The following LRRC4C variants were observed in gnomAD, a reference collection of about 807,000 sequenced individuals.
LRRC4C encodes the protein leucine rich repeat containing 4C.
A neutral mutation model predicts 33.6 loss-of-function variants in LRRC4C; 5 were observed. The ratio of observed to expected loss-of-function variants is 0.15; its 90% CI spans 0.08 to 0.31. The LOEUF (loss-of-function observed/expected upper bound fraction) is 0.31. LRRC4C is among the 10% of genes least tolerant of loss of function. LRRC4C has a pLI of 1.00. For missense variants in LRRC4C, 560 were observed against 796.7 expected, an observed-to-expected ratio of 0.70 and a Z score of 3.58; for synonymous variants, 329 against 302.0, an observed-to-expected ratio of 1.09 and a Z score of -0.93.
chr11:40,353,219 CT>C (rs1312655550), intron 3 of LRRC4C, among the ~76,000 whole-genome samples: 1 of 151,850 alleles, frequency 6.6e-6, no homozygotes, highest in Non-Finnish European at 1.5e-5. Context: ...TTAGATTTGC[CT>C]TTTTAGATTA....
At chr11:40,664,065 A>G (rs190617688) in intron 2 of LRRC4C, among the ~76,000 whole-genome samples, 1 of 152,300 alleles carries the variant, frequency 6.6e-6, no homozygotes, top group Non-Finnish European at 1.5e-5. Context: ...AATTACATAT[A>G]TAGAGCACTT....
intron 1 of LRRC4C, among the ~76,000 whole-genome samples, chr11:41,327,668 C>T (rs1951163422): frequency 6.6e-6 from 1 of 152,154 alleles, no homozygotes; most frequent in Admixed American, 6.5e-5. Context: ...TTGGAGCTCT[C>T]ATGATCCCCA....
At chr11:40,779,891 CT>C (rs1950148187) in intron 2 of LRRC4C, among the ~76,000 whole-genome samples, 1 of 152,038 alleles carries the variant, frequency 6.6e-6, no homozygotes. Flanking sequence ...AGTGATAATC[CT>C]TTAGAATAAG....
intron 5 of LRRC4C, among the ~76,000 whole-genome samples, chr11:40,170,719 T>G (rs775096729): frequency 6.6e-6 from 1 of 152,212 alleles, no homozygotes; most frequent in Non-Finnish European, 1.5e-5. Flanking sequence ...CATTCTAACT[T>G]CATCAGGTGA....
At chr11:40,816,013 G>A (rs1951691240) in intron 2 of LRRC4C, among the ~76,000 whole-genome samples, 1 of 152,122 alleles carries the variant, frequency 6.6e-6, no homozygotes, top group African/African-American at 2.4e-5. Context: ...AGAGCTAAGA[G>A]GACTTCCCCC....
chr11:40,629,584 G>A (rs898516767), intron 3 of LRRC4C, among the ~76,000 whole-genome samples: 1 of 152,244 alleles, frequency 6.6e-6, no homozygotes, highest in Admixed American at 6.5e-5. Flanking sequence ...GACAAGAATG[G>A]ATTCACTCTA....
chr11:41,213,904 C>T (rs1370480725), intron 1 of LRRC4C, among the ~76,000 whole-genome samples: 4 of 152,200 alleles, frequency 2.6e-5, no homozygotes, highest in African/African-American at 9.6e-5. Context: ...ATAGAACTCA[C>T]ATTTTGACCT....
chr11:40,566,811 T>C (rs555347493), intron 3 of LRRC4C, among the ~76,000 whole-genome samples: 1 of 152,264 alleles, frequency 6.6e-6, no homozygotes, highest in East Asian at 1.9e-4. Flanking sequence ...ATGCATGGGA[T>C]ACCACCTGAA....
At chr11:41,040,227 T>A (rs1857350102) in intron 1 of LRRC4C, among the ~76,000 whole-genome samples, 1 of 151,818 alleles carries the variant, frequency 6.6e-6, no homozygotes, top group African/African-American at 2.4e-5. Flanking sequence ...CAGAGAGGTA[T>A]TAGGAGATCT....
chr11:40,276,722 T>TGC (rs1943132611), intron 4 of LRRC4C, among the ~76,000 whole-genome samples: 1 of 127,692 alleles, frequency 7.8e-6, no homozygotes, highest in South Asian at 2.5e-4. Flanking sequence ...TGTGTGTGTG[T>TGC]ATGTCTGTGT....
intron 4 of LRRC4C, chr11:40,292,683 G>A (rs934994015): frequency 1.3e-5 from 2 of 150,846 alleles, no homozygotes; most frequent in Non-Finnish European, 2.9e-5. Flanking sequence ...GCTGCTTTAA[G>A]ATTATTTATT....
intron 4 of LRRC4C, among the ~76,000 whole-genome samples, chr11:40,290,270 C>T (rs755356571): frequency 9.9e-5 from 15 of 152,102 alleles, no homozygotes; most frequent in Admixed American, 2.6e-4. Context: ...ACTGTGGTAA[C>T]GTAAAACAAA....
chr11:41,255,732 TAA>T (rs5791429), intron 1 of LRRC4C, among the ~76,000 whole-genome samples: 1 of 151,118 alleles, frequency 6.6e-6, no homozygotes, highest in African/African-American at 2.4e-5. Flanking sequence ...GCATATTATG[TAA>T]AAAAAAATTA....
chr11:41,191,297 G>T (rs775691243), intron 1 of LRRC4C, among the ~76,000 whole-genome samples: 2 of 152,180 alleles, frequency 1.3e-5, no homozygotes, highest in African/African-American at 4.8e-5. Flanking sequence ...TCAGGAGCCT[G>T]CTGTGGACTC....
At chr11:41,379,599 T>C (rs1281473755) in intron 1 of LRRC4C, among the ~76,000 whole-genome samples, 2 of 152,076 alleles carry the variant, frequency 1.3e-5, no homozygotes, top group Non-Finnish European at 2.9e-5. Flanking sequence ...TCAAAAGTCC[T>C]TCCCTAGCCT....
At chr11:41,059,306 G>A (rs1245023262) in intron 1 of LRRC4C, among the ~76,000 whole-genome samples, 5 of 140,786 alleles carry the variant, frequency 3.6e-5, no homozygotes, top group Admixed American at 1.5e-4. Flanking sequence ...ACTTAGATAC[G>A]TTCCTTATCT....
chr11:41,239,151 T>TA (rs71466925), intron 1 of LRRC4C, among the ~76,000 whole-genome samples: 9,994 of 112,680 alleles, frequency 0.089, 473 homozygotes, highest in Middle Eastern at 0.18. Context: ...CCGTCTCTAC[T>TA]AAAAAAAAAA....
At chr11:40,557,137 C>T (rs1316447512) in intron 3 of LRRC4C, among the ~76,000 whole-genome samples, 1 of 151,900 alleles carries the variant, frequency 6.6e-6, no homozygotes, top group Non-Finnish European at 1.5e-5. Flanking sequence ...ATTTTTGGTA[C>T]CAATTCCATA....
intron 3 of LRRC4C, among the ~76,000 whole-genome samples, chr11:40,323,283 T>C (rs1945941910): frequency 6.6e-6 from 1 of 152,248 alleles, no homozygotes; most frequent in African/African-American, 2.4e-5. Context: ...GACTCTGCTG[T>C]TAGAAGCTCA....
Sources: gnomAD v4.1 joint callset for allele counts (sites outside exome capture counted in the v4.1 genomes callset) on GRCh38, gnomAD v4.1.1 for gene constraint, MANE v1.5 for transcripts, NCBI Gene and HGNC (gene_info 2026-07-23, HGNC 2026-07-21) for gene names.